Variants in MINDY4 observed in about 807,000 individuals in gnomAD.
MINDY4 encodes the protein MINDY lysine 48 deubiquitinase 4, also known as probable ubiquitin carboxyl-terminal hydrolase MINDY-4.
Under a neutral mutation model 87.0 loss-of-function variants are expected in MINDY4, and 68 were observed. The ratio of observed to expected loss-of-function variants is 0.78; its 90% CI spans 0.64 to 0.96. The LOEUF (loss-of-function observed/expected upper bound fraction) is 0.96. Among genes scored for constraint, MINDY4 ranks in the 40% least tolerant of loss-of-function variants. The pLI is 0.00. For synonymous variants in MINDY4, 379 were observed against 363.2 expected, an observed-to-expected ratio of 1.04 and a Z score of -0.50; for missense variants, 919 against 928.2, an observed-to-expected ratio of 0.99 and a Z score of 0.13.
chr7:30,877,272 A>G (rs1790289671), intron 15 of MINDY4, among the ~76,000 whole-genome samples: 1 of 152,116 alleles, frequency 6.6e-6, no homozygotes, highest in South Asian at 2.1e-4. Flanking sequence ...GCTCACCATG[A>G]GCTCTGGTTT....
chr7:30,887,675 G>A (rs979724425), intron 17 of MINDY4, among the ~76,000 whole-genome samples: 3 of 152,236 alleles, frequency 2.0e-5, no homozygotes, highest in African/African-American at 7.2e-5. Flanking sequence ...GGTGGGGGTC[G>A]TGTTCATGCA....
At chr7:30,839,877 G>C (rs1311714990) in intron 8 of MINDY4, among the ~76,000 whole-genome samples, 1 of 152,138 alleles carries the variant, frequency 6.6e-6, no homozygotes, top group East Asian at 1.9e-4. Flanking sequence ...CTTATACCCA[G>C]TTCCCACATT....
chr7:30,834,982 T>C (rs1463369321), intron 6 of MINDY4, among the ~76,000 whole-genome samples: 1 of 152,236 alleles, frequency 6.6e-6, no homozygotes, highest in Non-Finnish European at 1.5e-5. Context: ...AGTTTCAAAC[T>C]TTCCCACATT....
chr7:30,874,263 G>C lies in MINDY4; in HGVS notation c.1810-1232G>C, dbSNP rs141422796. On this transcript the variant is annotated intron_variant, in intron 14 of 17. Transcript: ENST00000265299. ...CAAATTCCTCCTCAGTAGGCCCTTA[G>C]AGGCCACCCTTCATCTTGAATCTGT... Among the ~76,000 whole-genome samples, 681 of 152,370 alleles carry C rather than the reference G, an allele frequency of 4.5e-3. 3 individuals are homozygous for C. The highest frequency in any genetic ancestry group is 0.015 in the African/African-American group (616 of 41,592).
At chr7:30,862,761 T>G (rs1789805111) in intron 13 of MINDY4, among the ~76,000 whole-genome samples, 1 of 152,164 alleles carries the variant, frequency 6.6e-6, no homozygotes, top group African/African-American at 2.4e-5. Context: ...GATACCTAGG[T>G]CCTCAGCGCA....
chr7:30,868,500 C>T (rs1790005975), intron 13 of MINDY4, among the ~76,000 whole-genome samples: 1 of 152,202 alleles, frequency 6.6e-6, no homozygotes, highest in South Asian at 2.1e-4. Context: ...AGTGGCAGAG[C>T]CTCTTCCCCT....
chr7:30,788,173 G>A (rs190682136), intron 4 of MINDY4, among the ~76,000 whole-genome samples: 1 of 152,270 alleles, frequency 6.6e-6, no homozygotes, highest in Admixed American at 6.5e-5. Flanking sequence ...AGAAAATCTA[G>A]CCTCACACAG....
chr7:30,842,077 G>A (rs1584302190), intron 9 of MINDY4, among the ~76,000 whole-genome samples: 1 of 152,220 alleles, frequency 6.6e-6, no homozygotes, highest in African/African-American at 2.4e-5. Context: ...TAGGGTTCAA[G>A]TGAAGGTGGC....
At chr7:30,775,173 T>C (rs1287210857) in intron 1 of MINDY4, among the ~76,000 whole-genome samples, 4 of 152,126 alleles carry the variant, frequency 2.6e-5, no homozygotes, top group African/African-American at 9.7e-5. Flanking sequence ...TACCAAGAGT[T>C]AGTGCAGACC....
intron 5 of MINDY4, among the ~76,000 whole-genome samples, chr7:30,817,286 G>A (rs1340020687): frequency 6.6e-6 from 1 of 150,498 alleles, no homozygotes; most frequent in Non-Finnish European, 1.5e-5. Flanking sequence ...TGGCTGAGGA[G>A]CTACAGGAAA....
In MINDY4 at chr7:30,814,565, C is replaced by T. The variant is rs180831186; in HGVS notation, c.1074-14114C>T. ...TATGCTGCTTTCTACACAGGACTTT[C>T]GTGAGAATTAAATTTTAAAACGTGC... is the stretch of plus-strand genomic sequence containing the variant. On this transcript the variant is annotated intron_variant, in intron 5 of 17. Transcript: ENST00000265299. Among the ~76,000 whole-genome samples, 8 of 152,230 alleles carry T rather than the reference C, an allele frequency of 5.3e-5. No homozygotes were observed. The East Asian group carries it at 5.8e-4, about 11-fold the overall frequency.
At chr7:30,858,766 G>A in intron 12 of MINDY4, 1 of 352,610 alleles carries the variant, frequency 2.8e-6, no homozygotes, top group South Asian at 2.1e-5. Context: ...GCACAGCACA[G>A]TTCTTCTGAG....
intron 5 of MINDY4, among the ~76,000 whole-genome samples, chr7:30,812,360 T>C (rs1419295558): frequency 6.6e-6 from 1 of 152,152 alleles, no homozygotes; most frequent in East Asian, 1.9e-4. Flanking sequence ...GGGTATATGC[T>C]GGTGTGTGTT....
rs188179506 is a variant in MINDY4 at position 30,801,902 on chromosome 7, C to A, written c.1073+10328C>A. ...TGATCTTGTATTGTCCATCTGTGGA[C>A]ATCAGCATGGCAGCTCTGAGATCTC... is the stretch of plus-strand genomic sequence containing the variant. On this transcript the variant is annotated intron_variant, in intron 5 of 17. Coordinates refer to ENST00000265299, the MANE Select transcript of MINDY4 (RefSeq NM_032222.3). Among the ~76,000 whole-genome samples the A allele has an allele frequency of 1.8e-3, 276 of 152,324 alleles. 2 individuals are homozygous for A. The Middle Eastern group carries it at 0.02, about 11-fold the overall frequency.
intron 17 of MINDY4, among the ~76,000 whole-genome samples, chr7:30,888,493 G>A (rs750095171): frequency 6.6e-6 from 1 of 152,204 alleles, no homozygotes; most frequent in Non-Finnish European, 1.5e-5. Context: ...TGATGAATGA[G>A]TCTGGAACTT....
intron 9 of MINDY4, among the ~76,000 whole-genome samples, chr7:30,841,176 T>G (rs1204842776): frequency 6.6e-6 from 1 of 152,176 alleles, no homozygotes; most frequent in East Asian, 1.9e-4. Context: ...TGCCGACCTT[T>G]CGACTGCGTC....
At chr7:30,793,275 A>G (rs868658587) in intron 5 of MINDY4, among the ~76,000 whole-genome samples, 2 of 151,574 alleles carry the variant, frequency 1.3e-5, no homozygotes, top group South Asian at 2.1e-4. Flanking sequence ...GGAACTTTAA[A>G]TCCAGTCGAT....
chr7:30,822,622 G>A (rs112915223), intron 5 of MINDY4, among the ~76,000 whole-genome samples: 1 of 124,084 alleles, frequency 8.1e-6, no homozygotes, highest in Non-Finnish European at 1.7e-5. Context: ...TGACGTGCCT[G>A]TCTATTTTAT....
At chr7:30,791,941 G>A (rs1445195234) in intron 5 of MINDY4, among the ~76,000 whole-genome samples, 1 of 152,170 alleles carries the variant, frequency 6.6e-6, no homozygotes, top group East Asian at 1.9e-4. Flanking sequence ...TTTGTGTTGG[G>A]CTGCATTCAA....
Sources: gnomAD v4.1 joint callset for allele counts (sites outside exome capture counted in the v4.1 genomes callset) on GRCh38, gnomAD v4.1.1 for gene constraint, MANE v1.5 for transcripts, NCBI Gene and HGNC (gene_info 2026-07-23, HGNC 2026-07-21) for gene names.